The following NEK9 variants were observed in gnomAD, a reference collection of about 807,000 sequenced individuals.
NEK9 encodes the protein NIMA related kinase 9.
NEK9 carries 75 observed loss-of-function variants against 123.4 expected under a neutral mutation model. The observed-to-expected ratio is 0.61, with a 90% CI of 0.50 to 0.74. NEK9 has a LOEUF of 0.74. Ranked by LOEUF, NEK9 falls within the 30% of genes least tolerant of loss-of-function variation. The pLI, the probability that NEK9 is intolerant of heterozygous loss-of-function variation, is 0.00. For synonymous variants in NEK9, 438 were observed against 458.7 expected, an observed-to-expected ratio of 0.95 and a Z score of 0.58; for missense variants, 952 against 1,214.4, an observed-to-expected ratio of 0.78 and a Z score of 3.21.
At chr14:75,112,376 A>G (rs2139782019) in intron 8 of NEK9, among the ~76,000 whole-genome samples, 1 of 152,358 alleles carries the variant, frequency 6.6e-6, no homozygotes, top group East Asian at 1.9e-4. Context: ...CAGAGGGATA[A>G]AGGATGTTCT....
rs966274533 is a variant in NEK9, at chr14:75,084,226, T to C, written c.*338A>G. ...AATGGTGAAAATGATACATGGGATA[T>C]AAGCTGCTACCAGCGCAATTAAGGT... is the stretch of plus-strand genomic sequence containing the variant. On this transcript the variant is annotated 3_prime_UTR_variant, in exon 22 of 22. Coordinates refer to ENST00000238616, the MANE Select transcript of NEK9 (RefSeq NM_033116.6). The C allele has an allele frequency of 1.7e-5, 4 of 233,540 alleles. No individual in the cohort carries two copies. The highest frequency in any genetic ancestry group is 3.5e-5 in the Non-Finnish European group (4 of 115,238). The allele number at this position is 233,540 out of a possible 1,614,324, so 14.5% of individuals were successfully genotyped here.
At chr14:75,110,172 C>G (rs1244422058) in intron 9 of NEK9, 149 bp downstream of exon 9, 6 of 658,942 alleles carry the variant, frequency 9.1e-6, no homozygotes, top group Non-Finnish European at 1.3e-5. Flanking sequence ...TAGCTTTCTT[C>G]TTAGAAATGA....
chr14:75,102,125 A>G (rs1255928552), intron 14 of NEK9, among the ~76,000 whole-genome samples: 1 of 152,204 alleles, frequency 6.6e-6, no homozygotes, highest in Non-Finnish European at 1.5e-5. Context: ...GCAAAGAATT[A>G]AAGTCCTGAG....
intron 4 of NEK9, 35 bp from the exon 5 acceptor site, chr14:75,118,970 C>A: frequency 8.7e-7 from 1 of 1,145,626 alleles, no homozygotes; most frequent in Middle Eastern, 1.9e-4. Flanking sequence ...TAAGTTCACA[C>A]AGATAATTGT....
chr14:75,092,596 A>T (rs762084009), intron 18 of NEK9, among the ~76,000 whole-genome samples: 6 of 152,228 alleles, frequency 3.9e-5, no homozygotes, highest in Non-Finnish European at 7.3e-5. Context: ...TGAATATTAC[A>T]TTCTCTGACG....
At chr14:75,107,916 T>C (rs912270278) in intron 10 of NEK9, among the ~76,000 whole-genome samples, 3 of 152,146 alleles carry the variant, frequency 2.0e-5, no homozygotes, top group Admixed American at 6.5e-5. Flanking sequence ...AAACTATATA[T>C]TTAATTACAG....
intron 19 of NEK9, among the ~76,000 whole-genome samples, chr14:75,089,492 G>C (rs1317204290): frequency 6.6e-6 from 1 of 152,040 alleles, no homozygotes; most frequent in East Asian, 1.9e-4. Flanking sequence ...GCCTCCCAAA[G>C]TGCTGGGATT....
At chr14:75,088,716 T>G in intron 19 of NEK9, 75 bp from the exon 20 acceptor site, 1 of 1,418,738 alleles carries the variant, frequency 7.0e-7, no homozygotes, top group East Asian at 2.3e-5. Flanking sequence ...CTTTTTGCTA[T>G]AGTTTTCCCT....
chr14:75,103,825 C>A lies in NEK9; in HGVS notation c.1731+17G>T, dbSNP rs56995742. 3.2e-3 allele frequency: 5,173 copies of A among 1,596,410 alleles called. 167 individuals are homozygous for A. The African/African-American group carries it at 0.064, about 20-fold the overall frequency. ...AAATTCTGATGATGTGGTTAGAACA[C>A]CAATCAGGACACTCACTTCATGGTT... is the stretch of plus-strand genomic sequence containing the variant. On this transcript the variant is annotated intron_variant, in intron 14 of 21. Coordinates refer to ENST00000238616, the MANE Select transcript of NEK9 (RefSeq NM_033116.6).
chr14:75,123,349 C>G (rs2139811929), intron 2 of NEK9, among the ~76,000 whole-genome samples: 1 of 151,968 alleles, frequency 6.6e-6, no homozygotes, highest in South Asian at 2.1e-4. Context: ...TGTGGTGAGC[C>G]AAGATGGCAC....
At chr14:75,088,823 A>G (rs778578028) in intron 19 of NEK9, among the ~76,000 whole-genome samples, 182 bp from the exon 20 acceptor site, 1 of 152,182 alleles carries the variant, frequency 6.6e-6, no homozygotes, top group African/African-American at 2.4e-5. Context: ...TTCATCAGAG[A>G]AACAGTGATG....
chr14:75,124,434 T>C (rs890031106), intron 1 of NEK9, among the ~76,000 whole-genome samples: 1 of 152,214 alleles, frequency 6.6e-6, no homozygotes, highest in Non-Finnish European at 1.5e-5. Flanking sequence ...TAAAACGTTG[T>C]TGTCATACTT....
At position 75,083,385 on chromosome 14, in the gene NEK9, G is replaced by A. The variant is rs1893923734; in HGVS notation, c.*1179C>T. On this transcript the variant is annotated 3_prime_UTR_variant, in exon 22 of 22. Coordinates refer to ENST00000238616, the MANE Select transcript of NEK9 (RefSeq NM_033116.6). Reference sequence around the variant, plus strand: ...GTTTCTATCTACAAAGACACAGTGAGTACAGGATTAGAAGTGAGCTCTCAG... The same window carrying A: ...GTTTCTATCTACAAAGACACAGTGAATACAGGATTAGAAGTGAGCTCTCAG... The A allele has an allele frequency of 3.5e-6, 1 of 283,944 alleles. No homozygotes were observed. The highest frequency in any genetic ancestry group is 2.2e-5 in the African/African-American group (1 of 46,232). 17.6% of individuals were successfully genotyped at this position (283,944 alleles called of 1,614,324 possible).
intron 19 of NEK9, 80 bp from the exon 20 acceptor site, chr14:75,088,721 T>G: frequency 7.2e-7 from 1 of 1,381,310 alleles, no homozygotes; most frequent in Non-Finnish European, 1.0e-6. Flanking sequence ...TGCTATAGTT[T>G]TCCCTCTCTC....
chr14:75,109,866 A>G lies in NEK9; in HGVS notation c.1001T>C (p.Val334Ala). 3.1e-6 allele frequency: 5 copies of G among 1,608,440 alleles called. No homozygotes were observed. Among genetic ancestry groups the G allele is most frequent in the Non-Finnish European group, 4.2e-6 (5 of 1,178,068 alleles). The change falls in exon 10 of 22, where the codon GTG (valine) becomes GCG (alanine). Residue 334 changes from valine (V) to alanine (A), a missense_variant. Physicochemically the swap from Val to Ala is moderately conservative, Grantham distance 64 (BLOSUM62 0). Coordinates refer to ENST00000238616, the MANE Select transcript of NEK9 (RefSeq NM_033116.6). ...APTKRPRSST[V>A]TEAPIAVVTS... ...TACTACAGCAATGGGTGCTTCAGTC[A>G]CAGTGCTTGACCTGCCAACAACCCC...
rs534524446 is a variant in NEK9, at chr14:75,080,526, C to A, written c.*4038G>T. ...AACTTTATCCAAGAAATGTTTAGTG[C>A]AAGTAAACATTATAAAGTTCATAAG... is the stretch of plus-strand genomic sequence containing the variant. On this transcript the variant is annotated 3_prime_UTR_variant, in exon 22 of 22. Coordinates refer to ENST00000238616, the MANE Select transcript of NEK9 (RefSeq NM_033116.6). 8.6e-5 allele frequency: 13 copies of A among 151,812 alleles called. No individual in the cohort carries two copies. Among genetic ancestry groups the A allele is most frequent in the African/African-American group, 3.1e-4 (13 of 41,346 alleles). 9.4% of individuals were successfully genotyped at this position (151,812 alleles called of 1,614,324 possible).
chr14:75,107,942 A>T (rs1391121673), intron 10 of NEK9, among the ~76,000 whole-genome samples: 4 of 152,236 alleles, frequency 2.6e-5, no homozygotes, highest in East Asian at 1.9e-4. Flanking sequence ...GGTGAAAAAA[A>T]TTCTTTATAA....
chr14:75,090,704 TG>T (rs1894188084), intron 19 of NEK9, among the ~76,000 whole-genome samples: 1 of 152,114 alleles, frequency 6.6e-6, no homozygotes, highest in Non-Finnish European at 1.5e-5. Context: ...CCTGAGTAGC[TG>T]GAACTATAGG....
chr14:75,084,808 A>C, intron 21 of NEK9, 122 bp from the exon 22 acceptor site: 5 of 1,271,706 alleles, frequency 3.9e-6, no homozygotes, highest in Non-Finnish European at 5.6e-6. Flanking sequence ...AAGGATTTGT[A>C]GCCACGATCT....
Sources: gnomAD v4.1 joint callset for allele counts (sites outside exome capture counted in the v4.1 genomes callset) on GRCh38, gnomAD v4.1.1 for gene constraint, MANE v1.5 for transcripts, NCBI Gene and HGNC (gene_info 2026-07-23, HGNC 2026-07-21) for gene names.